Variants in TANC1 observed in about 807,000 individuals in gnomAD.
TANC1 encodes protein TANC1.
A neutral mutation model predicts 149.7 loss-of-function variants in TANC1; 77 were observed. That is an observed-to-expected ratio of 0.51 (90% CI 0.43 to 0.62). The LOEUF (loss-of-function observed/expected upper bound fraction) is 0.62, where lower values mean the gene tolerates loss of function less well. Among genes scored for constraint, TANC1 ranks in the 20% least tolerant of loss-of-function variants. The pLI is 0.00. For missense variants in TANC1, 1,985 were observed against 2,321.8 expected, an observed-to-expected ratio of 0.85 and a Z score of 2.98; for synonymous variants, 854 against 925.0, an observed-to-expected ratio of 0.92 and a Z score of 1.39.
chr2:159,197,897 C>A (rs559291422), intron 18 of TANC1, among the ~76,000 whole-genome samples: 1 of 152,276 alleles, frequency 6.6e-6, no homozygotes, highest in South Asian at 2.1e-4. Flanking sequence ...TAGATGCAAC[C>A]TTAGTGGCTT....
At chr2:159,078,058 T>C (rs534836984) in intron 3 of TANC1, among the ~76,000 whole-genome samples, 1 of 152,346 alleles carries the variant, frequency 6.6e-6, no homozygotes, top group South Asian at 2.1e-4. Flanking sequence ...TTTATATGTT[T>C]ATGGGCTATT....
In TANC1 at chr2:159,219,724, C is replaced by A; in HGVS notation, c.3535C>A (p.Leu1179Met). The change falls in exon 22 of 27, where the codon CTG becomes ATG. Residue 1179 changes from leucine (L) to methionine (M), a missense_variant. By Grantham distance (15) the Leu-to-Met change is conservative. Transcript: ENST00000263635. ...AALSSLDKEG[L>M]SALSWACLKG... ...CCTTTCTTCTCTAGACAAAGAGGGTCTGTCAGCATTAAGCTGGGCTTGTCT... is the reference window on the plus strand; with the variant it reads ...CCTTTCTTCTCTAGACAAAGAGGGTATGTCAGCATTAAGCTGGGCTTGTCT... 1 of 1,614,210 alleles carries A rather than the reference C, an allele frequency of 6.2e-7. No individual in the cohort carries two copies. The highest frequency in any genetic ancestry group is 2.2e-5 in the East Asian group (1 of 44,888).
chr2:158,994,560 C>T (rs763573780), intron 1 of TANC1, among the ~76,000 whole-genome samples: 7 of 152,156 alleles, frequency 4.6e-5, no homozygotes, highest in African/African-American at 1.4e-4. Context: ...TGTGAGCCAC[C>T]GCACCTGCCT....
chr2:159,062,715 C>A (rs1437444630), intron 2 of TANC1, among the ~76,000 whole-genome samples: 5 of 151,982 alleles, frequency 3.3e-5, no homozygotes, highest in African/African-American at 9.7e-5. Context: ...CGCCTGTAAT[C>A]CCAGCACTTT....
At chr2:159,008,006 G>A (rs567653350) in intron 2 of TANC1, among the ~76,000 whole-genome samples, 1 of 152,302 alleles carries the variant, frequency 6.6e-6, no homozygotes, top group Admixed American at 6.5e-5. Context: ...TCCTTTACGT[G>A]TTTCTGGACC....
Position 159,134,639 on chromosome 2 carries a change from C to T in TANC1, c.260-1555C>T, listed in dbSNP as rs549256969. Among the ~76,000 whole-genome samples the T allele has an allele frequency of 1.2e-4, 19 of 152,256 alleles. 1 individual carries two copies. The highest frequency in any genetic ancestry group is 7.9e-4 in the Admixed American group (12 of 15,286). ...CTGGGATTACAGGCGCCCACTACCG[C>T]GCCTGGCTAATTTTTGTATTTTTTT... On this transcript the variant is annotated intron_variant, in intron 4 of 26. Coordinates refer to ENST00000263635, the MANE Select transcript of TANC1 (RefSeq NM_033394.3).
chr2:159,020,036 A>G (rs1381060927), intron 2 of TANC1, among the ~76,000 whole-genome samples: 1 of 152,250 alleles, frequency 6.6e-6, no homozygotes, highest in East Asian at 1.9e-4. Flanking sequence ...AGAGGATTGT[A>G]TCTTTTCATG....
At chr2:159,016,513 G>A (rs924131572) in intron 2 of TANC1, among the ~76,000 whole-genome samples, 2 of 151,842 alleles carry the variant, frequency 1.3e-5, no homozygotes, top group African/African-American at 4.8e-5. Flanking sequence ...TCCTAATTCA[G>A]TACCTTCCTC....
Position 159,170,735 on chromosome 2 carries a change from G to A in TANC1, c.1281G>A (p.Leu427=). 1.2e-6 allele frequency: 2 copies of A among 1,614,160 alleles called. No homozygotes were observed. The highest frequency in any genetic ancestry group is 2.2e-5 in the South Asian group (2 of 91,076). Residue 427 remains leucine, a synonymous_variant, in exon 10 of 27, where the codon TTG becomes TTA. Coordinates refer to ENST00000263635, the MANE Select transcript of TANC1 (RefSeq NM_033394.3). ...GFGKTAIISK[L]VALSCHGSRM... ...GGAAGACGGCAATCATTTCCAAGTT[G>A]GTGGCCCTGAGCTGCCACGGAAGCC... is the stretch of plus-strand genomic sequence containing the variant.
intron 19 of TANC1, among the ~76,000 whole-genome samples, chr2:159,205,493 T>C (rs1293550345): frequency 6.6e-6 from 1 of 152,182 alleles, no homozygotes; most frequent in Non-Finnish European, 1.5e-5. Context: ...TACAATACTG[T>C]GTCTTTATTT....
intron 19 of TANC1, among the ~76,000 whole-genome samples, chr2:159,199,267 G>A (rs2058076481): frequency 6.6e-6 from 1 of 152,182 alleles, no homozygotes; most frequent in Admixed American, 6.5e-5. Flanking sequence ...CCTATTAACT[G>A]ATTATTTTGA....
intron 5 of TANC1, among the ~76,000 whole-genome samples, chr2:159,139,501 A>G (rs977227290): frequency 1.3e-5 from 2 of 152,172 alleles, no homozygotes; most frequent in Non-Finnish European, 2.9e-5. Flanking sequence ...GCGTTAAGGG[A>G]AAAAAAACCT....
At chr2:158,972,465 A>C (rs1249374998) in intron 1 of TANC1, among the ~76,000 whole-genome samples, 3 of 152,166 alleles carry the variant, frequency 2.0e-5, no homozygotes, top group Non-Finnish European at 2.9e-5. Flanking sequence ...AGTAGGTTGC[A>C]GGTGACCCAT....
chr2:159,018,598 T>A (rs1426188926), intron 2 of TANC1, among the ~76,000 whole-genome samples: 1 of 152,202 alleles, frequency 6.6e-6, no homozygotes, highest in Non-Finnish European at 1.5e-5. Context: ...TCTCCAGAAC[T>A]TTTTTATCAC....
intron 9 of TANC1, among the ~76,000 whole-genome samples, chr2:159,170,162 G>A (rs2055045436): frequency 6.6e-6 from 1 of 152,184 alleles, no homozygotes; most frequent in Non-Finnish European, 1.5e-5. Context: ...ATACAGCAGG[G>A]AAGAAGCACG....
At chr2:159,159,353 C>T (rs1162104997) in intron 7 of TANC1, among the ~76,000 whole-genome samples, 1 of 150,460 alleles carries the variant, frequency 6.6e-6, no homozygotes, top group Non-Finnish European at 1.5e-5. Context: ...GTGGGAGGAT[C>T]GCTTGAGCCT....
At chr2:159,114,151 G>T (rs913128568) in intron 4 of TANC1, among the ~76,000 whole-genome samples, 1 of 152,174 alleles carries the variant, frequency 6.6e-6, no homozygotes, top group Non-Finnish European at 1.5e-5. Context: ...TTAGAGGAGT[G>T]TGAAAAGCAG....
intron 3 of TANC1, among the ~76,000 whole-genome samples, chr2:159,070,276 TG>T (rs1273744939): frequency 1.3e-5 from 2 of 151,608 alleles, no homozygotes; most frequent in Admixed American, 6.6e-5. Context: ...TTTTTTTTTT[TG>T]AGTGGTTTTA....
intron 3 of TANC1, among the ~76,000 whole-genome samples, chr2:159,092,396 AG>A (rs1362387113): frequency 1.3e-5 from 2 of 152,226 alleles, no homozygotes; most frequent in Non-Finnish European, 2.9e-5. Flanking sequence ...CATTCTGCAT[AG>A]CTGCCTTTAA....
Sources: gnomAD v4.1 joint callset for allele counts (sites outside exome capture counted in the v4.1 genomes callset) on GRCh38, gnomAD v4.1.1 for gene constraint, MANE v1.5 for transcripts, NCBI Gene and HGNC (gene_info 2026-07-23, HGNC 2026-07-21) for gene names.